The following EYA3 variants were observed in gnomAD, a reference collection of about 807,000 sequenced individuals.
The protein encoded by EYA3 is protein phosphatase EYA3.
EYA3 carries 39 observed loss-of-function variants against 80.0 expected under a neutral mutation model. The observed-to-expected ratio is 0.49, with a 90% CI of 0.38 to 0.64. EYA3 has a LOEUF of 0.64. EYA3 is among the 30% of genes least tolerant of loss of function. The pLI, the probability that EYA3 is intolerant of heterozygous loss-of-function variation, is 0.00. For missense variants in EYA3, 523 were observed against 676.1 expected (o/e 0.77, Z 2.51); for synonymous variants, 206 against 232.8 (o/e 0.88, Z 1.05).
At chr1:28,002,575 C>CT (rs1271060558) in intron 11 of EYA3, among the ~76,000 whole-genome samples, 1 of 151,916 alleles carries the variant, frequency 6.6e-6, no homozygotes, top group East Asian at 1.9e-4. Flanking sequence ...CTTTGGGAGA[C>CT]TGAGGCAGGA....
rs1047428786 is a variant in EYA3, at chr1:28,060,556, T to C, written c.-68-2462A>G. On this transcript the variant is annotated intron_variant, in intron 1 of 17. Coordinates refer to ENST00000373871, the MANE Select transcript of EYA3 (RefSeq NM_001990.4). ...CTACTATTTCTTGACATAAATTCTGTAAGCTGCAAGAAAACCTTCTTTAAG... is the reference window on the plus strand; with the variant it reads ...CTACTATTTCTTGACATAAATTCTGCAAGCTGCAAGAAAACCTTCTTTAAG... Among the ~76,000 whole-genome samples the C allele has an allele frequency of 2.6e-5, 4 of 152,242 alleles. No homozygotes were observed. In the South Asian group the frequency reaches 8.3e-4, roughly 31 times the overall value.
At position 27,972,922 on chromosome 1, in the gene EYA3, T is replaced by G. The variant is rs1344914754; in HGVS notation, c.*1544A>C. The G allele has an allele frequency of 6.6e-6, 1 of 152,358 alleles. No individual in the cohort carries two copies. Among genetic ancestry groups the G allele is most frequent in the Non-Finnish European group, 1.5e-5 (1 of 68,164 alleles). 9.4% of individuals were successfully genotyped at this position (152,358 alleles called of 1,614,324 possible). Reference sequence around the variant, plus strand: ...AGTACTCTCATTTAAATCAGGAAAGTCTGGCTGGGTGCAGTGGCTCATGCC... The same window carrying G: ...AGTACTCTCATTTAAATCAGGAAAGGCTGGCTGGGTGCAGTGGCTCATGCC... On this transcript the variant is annotated 3_prime_UTR_variant, in exon 18 of 18. Coordinates refer to ENST00000373871, the MANE Select transcript of EYA3 (RefSeq NM_001990.4).
intron 11 of EYA3, among the ~76,000 whole-genome samples, chr1:28,003,360 T>G (rs909617934): frequency 6.6e-6 from 1 of 151,996 alleles, no homozygotes; most frequent in Non-Finnish European, 1.5e-5. Flanking sequence ...TCCTAGCTAC[T>G]TGGGATGCTG....
At chr1:28,086,846 C>T (rs1645674855) in intron 1 of EYA3, among the ~76,000 whole-genome samples, 1 of 152,174 alleles carries the variant, frequency 6.6e-6, no homozygotes, top group Non-Finnish European at 1.5e-5. Flanking sequence ...TAGATAAGTC[C>T]TGAAAGCCAA....
chr1:28,066,025 A>G (rs72658352), intron 1 of EYA3, among the ~76,000 whole-genome samples: 5,710 of 152,094 alleles, frequency 0.038, 144 homozygotes, highest in Non-Finnish European at 0.06. Flanking sequence ...AAAACAAAAA[A>G]GAGTTACTCG....
At position 28,035,533 on chromosome 1, in the gene EYA3, C is replaced by T. The variant is rs371532570; in HGVS notation, c.361+11G>A. 3 of 1,611,018 alleles carry T rather than the reference C, an allele frequency of 1.9e-6. No homozygotes were observed. Among genetic ancestry groups the T allele is most frequent in the African/African-American group, 2.7e-5 (2 of 74,782 alleles). Reference sequence around the variant, plus strand: ...ACATTCTTAGAAATTGTTTACAATACAGTGCCTTACCAAAAGGAGGTAGTC... The same window carrying T: ...ACATTCTTAGAAATTGTTTACAATATAGTGCCTTACCAAAAGGAGGTAGTC... On this transcript the variant is annotated intron_variant, in intron 6 of 17. Coordinates refer to ENST00000373871, the MANE Select transcript of EYA3 (RefSeq NM_001990.4).
At chr1:28,078,444 C>T (rs1645300808) in intron 1 of EYA3, among the ~76,000 whole-genome samples, 2 of 152,216 alleles carry the variant, frequency 1.3e-5, no homozygotes. Flanking sequence ...CTCTCAGGAG[C>T]TCCAACTGTG....
chr1:28,084,556 A>ATATATATATATATAT (rs1645543986), intron 1 of EYA3, among the ~76,000 whole-genome samples: 1 of 32,726 alleles, frequency 3.1e-5, no homozygotes, highest in African/African-American at 1.2e-4. Flanking sequence ...ACTATTCCAA[A>ATATATATATATATAT]ATATATATAT....
At chr1:28,015,675 A>G (rs1186386937) in intron 8 of EYA3, among the ~76,000 whole-genome samples, 2 of 152,216 alleles carry the variant, frequency 1.3e-5, no homozygotes, top group Non-Finnish European at 2.9e-5. Flanking sequence ...TAAAATGAGC[A>G]ATTAACTATG....
intron 10 of EYA3, among the ~76,000 whole-genome samples, chr1:28,006,670 C>T (rs920415702): frequency 2.6e-5 from 4 of 151,956 alleles, no homozygotes; most frequent in African/African-American, 9.7e-5. Context: ...CATGCCACTG[C>T]ACTCCAGACT....
At chr1:28,059,825 A>G (rs1432866780) in intron 1 of EYA3, among the ~76,000 whole-genome samples, 1 of 150,868 alleles carries the variant, frequency 6.6e-6, no homozygotes, top group African/African-American at 2.4e-5. Flanking sequence ...GGTTCAAGCA[A>G]TTTTTCTGCC....
At chr1:28,046,888 C>A in intron 3 of EYA3, among the ~76,000 whole-genome samples, 1 of 150,792 alleles carries the variant, frequency 6.6e-6, no homozygotes, top group Non-Finnish European at 1.5e-5. Context: ...CTGCCACCAA[C>A]CCAGGATGGA....
chr1:28,082,613 A>C (rs1258596857), intron 1 of EYA3, among the ~76,000 whole-genome samples: 1 of 152,086 alleles, frequency 6.6e-6, no homozygotes, highest in Admixed American at 6.6e-5. Flanking sequence ...ATTTCACATA[A>C]ATTTCCAAAT....
At chr1:28,059,715 ATTTTT>A (rs1224157714) in intron 1 of EYA3, among the ~76,000 whole-genome samples, 1 of 113,612 alleles carries the variant, frequency 8.8e-6, no homozygotes, top group Non-Finnish European at 1.8e-5. Context: ...CATTTGTTGG[ATTTTT>A]TTTTTTTTTT....
chr1:28,080,796 G>C (rs1378405181), intron 1 of EYA3, among the ~76,000 whole-genome samples: 1 of 152,154 alleles, frequency 6.6e-6, no homozygotes, highest in Non-Finnish European at 1.5e-5. Flanking sequence ...TGTTGCCCAG[G>C]CTGGAGTGCA....
chr1:28,041,528 G>C (rs979956731), intron 4 of EYA3, among the ~76,000 whole-genome samples: 3 of 151,048 alleles, frequency 2.0e-5, no homozygotes, highest in African/African-American at 7.3e-5. Flanking sequence ...ACTCCAACCT[G>C]GGCAACAAAG....
intron 1 of EYA3, among the ~76,000 whole-genome samples, chr1:28,088,120 A>C (rs1257010585): frequency 6.6e-6 from 1 of 151,782 alleles, no homozygotes; most frequent in East Asian, 1.9e-4. Context: ...AAGAGTGAGC[A>C]CAATGAGAAG....
At chr1:27,980,390 T>A (rs1037312522) in intron 16 of EYA3, among the ~76,000 whole-genome samples, 1 of 152,224 alleles carries the variant, frequency 6.6e-6, no homozygotes, top group African/African-American at 2.4e-5. Context: ...TCAGTTTGAC[T>A]TTCTTGTAAG....
chr1:28,065,937 A>G (rs1644821139), intron 1 of EYA3, among the ~76,000 whole-genome samples: 1 of 151,622 alleles, frequency 6.6e-6, no homozygotes, highest in African/African-American at 2.4e-5. Flanking sequence ...AGGACCCGGG[A>G]GGCGGAGGTT....
Sources: gnomAD v4.1 joint callset for allele counts (sites outside exome capture counted in the v4.1 genomes callset) on GRCh38, gnomAD v4.1.1 for gene constraint, MANE v1.5 for transcripts, NCBI Gene and HGNC (gene_info 2026-07-23, HGNC 2026-07-21) for gene names.